SDC2: variants seen among roughly 807,000 people sequenced by gnomAD.
SDC2 encodes syndecan-2.
SDC2 carries 13 observed loss-of-function variants against 22.2 expected under a neutral mutation model. The ratio of observed to expected loss-of-function variants is 0.59; its 90% CI spans 0.38 to 0.93. The LOEUF (loss-of-function observed/expected upper bound fraction) is 0.93, where lower values mean the gene tolerates loss of function less well. SDC2 is among the 40% of genes least tolerant of loss of function. The pLI is 0.00. For synonymous variants in SDC2, 94 were observed against 92.8 expected, an observed-to-expected ratio of 1.01 and a Z score of -0.07; for missense variants, 235 against 246.8, an observed-to-expected ratio of 0.95 and a Z score of 0.32.
At position 96,610,225 on chromosome 8, in the gene SDC2, C is replaced by G. The variant is rs1815153466; in HGVS notation, c.*677C>G. ...GATTATTACTACAAAACCGTTTAGT[C>G]ATATCTATCTAATCAGATCTTCTTT... On this transcript the variant is annotated 3_prime_UTR_variant, in exon 5 of 5. Coordinates refer to ENST00000302190, the MANE Select transcript of SDC2 (RefSeq NM_002998.4). 1 of 152,582 alleles carries G rather than the reference C, an allele frequency of 6.6e-6. No homozygotes were observed. The highest frequency in any genetic ancestry group is 2.4e-5 in the African/African-American group (1 of 41,444). The allele number at this position is 152,582 out of a possible 1,614,324, so 9.5% of individuals were successfully genotyped here.
intron 1 of SDC2, among the ~76,000 whole-genome samples, chr8:96,558,819 A>ATG (rs57214351): frequency 0.19 from 29,377 of 151,554 alleles, 3,246 homozygotes; most frequent in East Asian, 0.45. Flanking sequence ...ACATTTGAAT[A>ATG]TGTGTGTGTG....
Position 96,590,974 on chromosome 8 carries a change from G to T in SDC2, c.61-2506G>T, listed in dbSNP as rs1281698510. Among the ~76,000 whole-genome samples the T allele has an allele frequency of 3.3e-5, 5 of 152,152 alleles. No individual in the cohort carries two copies. The South Asian group carries it at 1.0e-3, about 32-fold the overall frequency. ...CACCCTGACTTCCACCCCAAGTCTT[G>T]TTGAAATACAGGCCTGACGGCTGTC... On this transcript the variant is annotated intron_variant, in intron 1 of 4. Coordinates refer to ENST00000302190, the MANE Select transcript of SDC2 (RefSeq NM_002998.4).
At chr8:96,515,502 C>T (rs562481303) in intron 1 of SDC2, among the ~76,000 whole-genome samples, 3 of 152,188 alleles carry the variant, frequency 2.0e-5, no homozygotes, top group East Asian at 1.9e-4. Flanking sequence ...AAATAGAAGT[C>T]GGAGTAGGAG....
At chr8:96,519,376 T>C (rs1365575144) in intron 1 of SDC2, among the ~76,000 whole-genome samples, 1 of 152,336 alleles carries the variant, frequency 6.6e-6, no homozygotes, top group East Asian at 1.9e-4. Flanking sequence ...TTCTTAATGC[T>C]CCACGTTACA....
rs369210403 is a variant in SDC2, at chr8:96,602,492, G to C, written c.270G>C (p.Thr90=). The change falls in exon 3 of 5, where the codon ACG becomes ACC. Residue 90 remains threonine, a synonymous_variant. Transcript: ENST00000302190. ...CTGCTCCAAAAGTGGAAACCACGAC[G>C]CTGAATATACAGAACAAGATACCTG... ...TSAAPKVETT[T]LNIQNKIPAQ... is the part of the protein sequence containing the mutation. 2 of 1,614,146 alleles carry C rather than the reference G, an allele frequency of 1.2e-6. No individual in the cohort carries two copies. The highest frequency in any genetic ancestry group is 3.3e-5 in the Admixed American group (2 of 60,024).
At chr8:96,564,159 T>G (rs1320897577) in intron 1 of SDC2, among the ~76,000 whole-genome samples, 1 of 152,208 alleles carries the variant, frequency 6.6e-6, no homozygotes, top group East Asian at 1.9e-4. Context: ...CATTTTAGTG[T>G]TATGGTTAAA....
rs1815172776 is a variant in SDC2, at chr8:96,611,355, T to C, written c.*1807T>C. 1 of 152,584 alleles carries C rather than the reference T, an allele frequency of 6.6e-6. No homozygotes were observed. Among genetic ancestry groups the C allele is most frequent in the Admixed American group, 6.6e-5 (1 of 15,266 alleles). 9.5% of individuals were successfully genotyped at this position (152,584 alleles called of 1,614,324 possible). A position where few individuals can be genotyped will look rare whatever the true frequency, so the allele number is the denominator to read the frequency against. On this transcript the variant is annotated 3_prime_UTR_variant, in exon 5 of 5. Coordinates refer to ENST00000302190, the MANE Select transcript of SDC2 (RefSeq NM_002998.4). ...AAAAAGCAACTTTTCCAACATACAA[T>C]TTACTTTTAATAAAGTATGAATATT... is the stretch of plus-strand genomic sequence containing the variant.
chr8:96,494,312 C>T lies in SDC2; in HGVS notation c.41C>T (p.Ala14Val), dbSNP rs1355623605. Residue 14 changes from alanine (A) to valine (V), a missense_variant, in exon 1 of 5, where the codon GCC becomes GTC. Ala to Val is a moderately conservative substitution (Grantham distance 64). Transcript: ENST00000302190. Reference protein sequence around the residue: ...AWILLTLGLVACVSAESRAEL... With the variant: ...AWILLTLGLVVCVSAESRAEL... ...ATCCTGCTCACCTTGGGCTTGGTGG[C>T]CTGCGTGTCGGCGGAGTCGGTGAGT... 2 of 1,545,414 alleles carry T rather than the reference C, an allele frequency of 1.3e-6. No homozygotes were observed. Among genetic ancestry groups the T allele is most frequent in the Non-Finnish European group, 1.7e-6 (2 of 1,149,388 alleles).
At chr8:96,581,368 C>A (rs1220802646) in intron 1 of SDC2, among the ~76,000 whole-genome samples, 2 of 152,198 alleles carry the variant, frequency 1.3e-5, no homozygotes, top group African/African-American at 4.8e-5. Flanking sequence ...GTGGCTCACG[C>A]CTGTAATCCC....
intron 1 of SDC2, among the ~76,000 whole-genome samples, chr8:96,567,348 G>A (rs375566949): frequency 6.6e-6 from 1 of 152,128 alleles, no homozygotes; most frequent in Admixed American, 6.6e-5. Context: ...GGCATGTTTT[G>A]CCATTAAAAA....
chr8:96,497,092 A>G (rs1169338132), intron 1 of SDC2, among the ~76,000 whole-genome samples: 2 of 152,194 alleles, frequency 1.3e-5, no homozygotes, highest in South Asian at 2.1e-4. Context: ...AGTGTTTTGA[A>G]CTAGAGGAAT....
intron 2 of SDC2, among the ~76,000 whole-genome samples, chr8:96,594,761 G>T (rs912969776): frequency 7.2e-5 from 11 of 152,228 alleles, no homozygotes; most frequent in Non-Finnish European, 1.6e-4. Context: ...AGTTCAGCAT[G>T]CCTGGGGAGG....
chr8:96,604,848 A>G (rs186305844), intron 3 of SDC2, among the ~76,000 whole-genome samples: 1 of 152,340 alleles, frequency 6.6e-6, no homozygotes, highest in Admixed American at 6.5e-5. Context: ...TTGCACATAC[A>G]TTCATACAAG....
At chr8:96,502,013 C>T (rs987615425) in intron 1 of SDC2, among the ~76,000 whole-genome samples, 1 of 152,074 alleles carries the variant, frequency 6.6e-6, no homozygotes. Flanking sequence ...CATTGTCCTG[C>T]GTATTCGTGA....
intron 4 of SDC2, among the ~76,000 whole-genome samples, chr8:96,608,828 T>C (rs1237036424): frequency 6.6e-6 from 1 of 152,158 alleles, no homozygotes; most frequent in Non-Finnish European, 1.5e-5. Flanking sequence ...GAACGAAAAG[T>C]TCTTTAGGGG....
chr8:96,557,588 T>C (rs998127920), intron 1 of SDC2, among the ~76,000 whole-genome samples: 2 of 142,984 alleles, frequency 1.4e-5, no homozygotes, highest in Admixed American at 1.4e-4. Context: ...GATCACATGG[T>C]CACAGGAAGG....
At chr8:96,606,675 T>A (rs557598244) in intron 3 of SDC2, among the ~76,000 whole-genome samples, 94 of 152,272 alleles carry the variant, frequency 6.2e-4, no homozygotes, top group African/African-American at 2.2e-3. Context: ...GTATTTTTTT[T>A]AATGCCTTTC....
At chr8:96,517,469 C>T (rs769335119) in intron 1 of SDC2, among the ~76,000 whole-genome samples, 2 of 152,138 alleles carry the variant, frequency 1.3e-5, no homozygotes, top group Non-Finnish European at 2.9e-5. Context: ...TTAGTTCTTA[C>T]ATTTAGATCT....
At chr8:96,548,634 A>C (rs2130531513) in intron 1 of SDC2, among the ~76,000 whole-genome samples, 1 of 152,320 alleles carries the variant, frequency 6.6e-6, no homozygotes, top group East Asian at 1.9e-4. Context: ...ACTTTACTCC[A>C]ACACTTCAGT....
Sources: allele counts gnomAD v4.1 joint callset (sites outside exome capture counted in the v4.1 genomes callset), GRCh38; gene constraint gnomAD v4.1.1; transcripts MANE v1.5; gene names NCBI Gene and HGNC (gene_info 2026-07-23, HGNC 2026-07-21).